SERF2: variants seen among roughly 807,000 people sequenced by gnomAD.
SERF2 encodes gastric cancer-related protein VRG107.
SERF2 carries 4 observed loss-of-function variants against 10.7 expected under a neutral mutation model. The ratio of observed to expected loss-of-function variants is 0.37; its 90% CI spans 0.18 to 0.86. SERF2 has a LOEUF of 0.86. Ranked by LOEUF, SERF2 falls within the 40% of genes least tolerant of loss-of-function variation. The pLI, the probability that SERF2 is intolerant of heterozygous loss-of-function variation, is 0.43. For missense variants in SERF2, 47 were observed against 79.1 expected, an observed-to-expected ratio of 0.59 and a Z score of 1.54; for synonymous variants, 26 against 26.0, an observed-to-expected ratio of 1.00 and a Z score of 0.01.
chr15:43,778,964 G>A (rs1432598943), intron 1 of SERF2, among the ~76,000 whole-genome samples: 1 of 152,132 alleles, frequency 6.6e-6, no homozygotes, highest in Non-Finnish European at 1.5e-5. Flanking sequence ...GGAGGAAATA[G>A]GATCAAGAAA....
chr15:43,779,602 C>T (rs969433432), intron 1 of SERF2, among the ~76,000 whole-genome samples: 8 of 152,070 alleles, frequency 5.3e-5, no homozygotes, highest in African/African-American at 1.9e-4. Context: ...AGCAGTCCAC[C>T]CACCTCAGCC....
rs764891161 is a variant in SERF2, at chr15:43,795,652, T to A, written c.*1879T>A. The A allele has an allele frequency of 1.2e-6, 2 of 1,611,830 alleles. No individual in the cohort carries two copies. The highest frequency in any genetic ancestry group is 1.7e-6 in the Non-Finnish European group (2 of 1,178,616). On this transcript the variant is annotated 3_prime_UTR_variant, in exon 3 of 3. Transcript: ENST00000249786. ...GGGTTCTTATGGCACTCCACAGAGA[T>A]CTACCACTTCTTATGGTTCCTCACT... is the stretch of plus-strand genomic sequence containing the variant.
intron 2 of SERF2, chr15:43,793,336 G>A (rs1046421755): frequency 1.2e-5 from 7 of 578,546 alleles, no homozygotes; most frequent in African/African-American, 1.1e-4. Context: ...TAAGGGCAAG[G>A]GCAGGGAGCT....
At chr15:43,781,312 T>C (rs1447674698) in intron 1 of SERF2, among the ~76,000 whole-genome samples, 1 of 152,140 alleles carries the variant, frequency 6.6e-6, no homozygotes, top group Non-Finnish European at 1.5e-5. Flanking sequence ...CCCAGCACTT[T>C]GGGAGGCCGA....
In SERF2 at chr15:43,793,749, C is replaced by T. The variant is rs2141683118; in HGVS notation, c.156C>T (p.Asn52=). ...TGCAGCAGAAGCAGAAAAAGGCAAA[C>T]GAGAAGAAGGAGGAACCCAAGTAGC... ...EIMQQKQKKA[N]EKKEEPK The change falls in exon 3 of 3, where the codon AAC becomes AAT. Residue 52 remains asparagine, a synonymous_variant. Transcript: ENST00000249786. 6 of 1,614,170 alleles carry T rather than the reference C, an allele frequency of 3.7e-6. No individual in the cohort carries two copies. Among genetic ancestry groups the T allele is most frequent in the East Asian group, 2.2e-5 (1 of 44,890 alleles).
At chr15:43,792,558 T>A (rs2087087413) in intron 1 of SERF2, 175 bp downstream of exon 1, 2 of 1,486,058 alleles carry the variant, frequency 1.3e-6, no homozygotes, top group Non-Finnish European at 1.8e-6. Context: ...CCACGGCTAC[T>A]TCACGGGACC....
Position 43,795,372 on chromosome 15 carries a change from G to A in SERF2, c.*1599G>A. On this transcript the variant is annotated 3_prime_UTR_variant, in exon 3 of 3. Coordinates refer to ENST00000249786, the MANE Select transcript of SERF2 (RefSeq NM_001018108.4). ...CTAGCTCTTCAGGAGAGTATCTAAG[G>A]CCCACTCCATCTTACCTGAACCAGT... The A allele has an allele frequency of 6.2e-7, 1 of 1,613,764 alleles. No homozygotes were observed. Among genetic ancestry groups the A allele is most frequent in the Non-Finnish European group, 8.5e-7 (1 of 1,179,668 alleles).
At chr15:43,789,365 G>A (rs1403552748), upstream of SERF2, among the ~76,000 whole-genome samples, 1 of 152,100 alleles carries the variant, frequency 6.6e-6, no homozygotes, top group African/African-American at 2.4e-5. Flanking sequence ...TGAGGGAGGA[G>A]GGCCTTAGGG....
intron 2 of SERF2, chr15:43,793,334 A>G (rs1473560384): frequency 3.5e-6 from 2 of 574,702 alleles, no homozygotes; most frequent in Non-Finnish European, 6.1e-6. Context: ...CTTAAGGGCA[A>G]GGGCAGGGAG....
At chr15:43,785,035 G>A (rs188760717) in intron 1 of SERF2, among the ~76,000 whole-genome samples, 2 of 150,876 alleles carry the variant, frequency 1.3e-5, no homozygotes, top group Admixed American at 6.6e-5. Flanking sequence ...TTACAGGCGT[G>A]AGCCACTGTG....
chr15:43,785,791 C>T (rs1029138996), intron 2 of SERF2, among the ~76,000 whole-genome samples: 2 of 150,340 alleles, frequency 1.3e-5, no homozygotes, highest in South Asian at 2.1e-4. Flanking sequence ...TTGCAACCTC[C>T]GCCTCCTGGG....
intron 2 of SERF2, among the ~76,000 whole-genome samples, chr15:43,787,024 G>C (rs974666268): frequency 6.9e-6 from 1 of 145,922 alleles, no homozygotes; most frequent in Non-Finnish European, 1.5e-5. Flanking sequence ...TTTTGAGATG[G>C]AGTCTGCTCT....
Position 43,795,421 on chromosome 15 carries a change from A to T in SERF2, c.*1648A>T. 1 of 1,614,124 alleles carries T rather than the reference A, an allele frequency of 6.2e-7. No individual in the cohort carries two copies. The highest frequency in any genetic ancestry group is 8.5e-7 in the Non-Finnish European group (1 of 1,180,032). ...GTTGGTAAGGGTAACCATGACATAG[A>T]GTGAGGCAAGGAAGAAGACGAAGTG... On this transcript the variant is annotated 3_prime_UTR_variant, in exon 3 of 3. Coordinates refer to ENST00000249786, the MANE Select transcript of SERF2 (RefSeq NM_001018108.4).
intron 1 of SERF2, among the ~76,000 whole-genome samples, chr15:43,784,343 A>G (rs1332961259): frequency 6.6e-6 from 1 of 152,134 alleles, no homozygotes; most frequent in Non-Finnish European, 1.5e-5. Context: ...TTTATCTCAG[A>G]AGCCATTAGG....
exon 1 of SERF2, chr15:43,777,429 G>T (rs1427623643): frequency 2.2e-5 from 5 of 224,476 alleles, no homozygotes; most frequent in Non-Finnish European, 3.7e-5. Context: ...TGACACGAAG[G>T]GGCACCCGAG....
chr15:43,791,516 T>C (rs1435892758), upstream of SERF2, among the ~76,000 whole-genome samples: 1 of 151,296 alleles, frequency 6.6e-6, no homozygotes, highest in Non-Finnish European at 1.5e-5. Context: ...ATTACAGGCG[T>C]GAGCCACCAC....
In SERF2 at chr15:43,793,098, G is replaced by A. The variant is rs760507573; in HGVS notation, c.116+15G>A. 8 of 1,535,126 alleles carry A rather than the reference G, an allele frequency of 5.2e-6. No individual in the cohort carries two copies. Among genetic ancestry groups the A allele is most frequent in the Admixed American group, 5.1e-5 (3 of 59,296 alleles). ...CGCAAGCAGAGGTAGCCCCAGGGAG[G>A]GGAGGGAAAGGGACGGTGGAGACCT... On this transcript the variant is annotated intron_variant, in intron 2 of 2. Transcript: ENST00000249786.
chr15:43,791,191 A>T (rs541325784), upstream of SERF2, among the ~76,000 whole-genome samples: 29 of 151,968 alleles, frequency 1.9e-4, no homozygotes, highest in African/African-American at 6.8e-4. Flanking sequence ...CTCCTGCCTC[A>T]GCCTCCTGAG....
intron 1 of SERF2, among the ~76,000 whole-genome samples, chr15:43,778,973 A>C (rs188643338): frequency 3.3e-5 from 5 of 152,298 alleles, no homozygotes; most frequent in African/African-American, 9.6e-5. Context: ...AGGATCAAGA[A>C]AAAGTTTTAA....
Sources: allele counts gnomAD v4.1 joint callset (sites outside exome capture counted in the v4.1 genomes callset), GRCh38; gene constraint gnomAD v4.1.1; transcripts MANE v1.5; gene names NCBI Gene and HGNC (gene_info 2026-07-23, HGNC 2026-07-21).